Variants in CDK19 observed in about 807,000 individuals in gnomAD.
CDK19 encodes the protein cyclin-dependent kinase 19.
In CDK19, 20 loss-of-function variants were observed where a neutral mutation model predicts 68.3. The observed-to-expected ratio is 0.29, with a 90% CI of 0.21 to 0.43. CDK19 has a LOEUF of 0.43. Ranked by LOEUF, CDK19 falls within the 20% of genes least tolerant of loss-of-function variation. The pLI is 1.00. For missense variants in CDK19, 339 were observed against 623.5 expected, an observed-to-expected ratio of 0.54 and a Z score of 4.86; for synonymous variants, 221 against 222.8, an observed-to-expected ratio of 0.99 and a Z score of 0.07.
At position 110,627,328 on chromosome 6, in the gene CDK19, G is replaced by A. The variant is rs146714884; in HGVS notation, c.647-183C>T. 3.1e-4 allele frequency among the ~76,000 whole-genome samples: 47 copies of A among 151,768 alleles called. No homozygotes were observed. In the East Asian group the frequency reaches 7.8e-3, roughly 25 times the overall value. ...TGTGTGGGTATGTGTGTATATATAGGTATGTATATATATGTGTGTGTATGT... is the reference window on the plus strand; with the variant it reads ...TGTGTGGGTATGTGTGTATATATAGATATGTATATATATGTGTGTGTATGT... On this transcript the variant is annotated intron_variant, in intron 6 of 12. Transcript: ENST00000368911.
chr6:110,631,800 AGATACT>A (rs2114704824), intron 6 of CDK19, among the ~76,000 whole-genome samples: 1 of 152,374 alleles, frequency 6.6e-6, no homozygotes, highest in East Asian at 1.9e-4. Flanking sequence ...CAACAGGATC[AGATACT>A]GATACCTCTA....
Position 110,632,027 on chromosome 6 carries a change from T to C in CDK19, c.646+3A>G. The C allele has an allele frequency of 6.2e-7, 1 of 1,601,426 alleles. No homozygotes were observed. The highest frequency in any genetic ancestry group is 8.5e-7 in the Non-Finnish European group (1 of 1,172,248). On this transcript the variant is annotated splice_donor_region_variant and intron_variant, in intron 6 of 12. Coordinates refer to ENST00000368911, the MANE Select transcript of CDK19 (RefSeq NM_015076.5). ...GATAGTAAATCATTTTAGACCAACTTACCAATGGCCTTTGTATAATGCCTT... is the reference window on the plus strand; with the variant it reads ...GATAGTAAATCATTTTAGACCAACTCACCAATGGCCTTTGTATAATGCCTT...
intron 2 of CDK19, among the ~76,000 whole-genome samples, chr6:110,679,611 T>C (rs865939994): frequency 1.3e-5 from 2 of 152,164 alleles, no homozygotes; most frequent in Non-Finnish European, 2.9e-5. Context: ...AAACTGTCTC[T>C]AAAAACATAA....
chr6:110,693,923 G>A (rs1044131513), intron 2 of CDK19, among the ~76,000 whole-genome samples: 1 of 152,046 alleles, frequency 6.6e-6, no homozygotes, highest in Non-Finnish European at 1.5e-5. Flanking sequence ...TTTCAAACAA[G>A]CAATTGCTGA....
intron 1 of CDK19, among the ~76,000 whole-genome samples, chr6:110,782,900 T>C (rs1171968414): frequency 2.6e-5 from 4 of 152,176 alleles, no homozygotes; most frequent in Non-Finnish European, 5.9e-5. Context: ...TTTTATACAT[T>C]TTGCTTCCTC....
chr6:110,761,024 A>G (rs1453643591), intron 1 of CDK19, among the ~76,000 whole-genome samples: 2 of 152,182 alleles, frequency 1.3e-5, no homozygotes, highest in East Asian at 3.8e-4. Flanking sequence ...AAGTAGGGGA[A>G]AGCAAGTTAA....
Position 110,687,389 on chromosome 6 carries a change from G to A in CDK19, c.205-16848C>T, listed in dbSNP as rs555157742. On this transcript the variant is annotated intron_variant, in intron 2 of 12. Transcript: ENST00000368911. ...TTTAGATCACTATGCTTCTAGAGAA[G>A]ATAAACACAGTGAAGTCAAGGCTCA... 1.7e-3 allele frequency among the ~76,000 whole-genome samples: 261 copies of A among 152,208 alleles called. 2 individuals are homozygous for A. The highest frequency in any genetic ancestry group is 2.7e-3 in the Admixed American group (42 of 15,280).
chr6:110,700,178 C>T (rs1773873609), intron 2 of CDK19, among the ~76,000 whole-genome samples: 1 of 152,138 alleles, frequency 6.6e-6, no homozygotes, highest in South Asian at 2.1e-4. Flanking sequence ...CTCCCAGTAC[C>T]CCCAGATAGA....
intron 2 of CDK19, among the ~76,000 whole-genome samples, chr6:110,737,544 G>C (rs879869903): frequency 2.6e-5 from 4 of 152,140 alleles, no homozygotes; most frequent in Non-Finnish European, 5.9e-5. Flanking sequence ...GCAGACAACA[G>C]ACAGATACAC....
intron 2 of CDK19, among the ~76,000 whole-genome samples, chr6:110,742,882 G>A (rs747116370): frequency 3.3e-5 from 5 of 152,070 alleles, no homozygotes; most frequent in Admixed American, 6.6e-5. Context: ...CTTGCCTTGC[G>A]ATCTTTATTG....
At chr6:110,800,010 T>A (rs1562298304) in intron 1 of CDK19, among the ~76,000 whole-genome samples, 1 of 152,192 alleles carries the variant, frequency 6.6e-6, no homozygotes, top group Non-Finnish European at 1.5e-5. Context: ...AGTCTCAACA[T>A]ATTCATCTAC....
chr6:110,618,464 T>C (rs1778490354), intron 12 of CDK19, among the ~76,000 whole-genome samples: 3 of 152,204 alleles, frequency 2.0e-5, no homozygotes, highest in South Asian at 4.1e-4. Flanking sequence ...CACACTCCCC[T>C]TTCTTGAGTT....
chr6:110,744,011 G>GTTT (rs5879078), intron 2 of CDK19, among the ~76,000 whole-genome samples: 1,758 of 113,276 alleles, frequency 0.016, 150 homozygotes, highest in African/African-American at 0.047. Flanking sequence ...ACCTCCCCAC[G>GTTT]TTTTTTTTTT....
chr6:110,748,937 T>C (rs1778264500), intron 1 of CDK19, among the ~76,000 whole-genome samples: 1 of 148,576 alleles, frequency 6.7e-6, no homozygotes, highest in African/African-American at 2.6e-5. Context: ...TACACTGCTA[T>C]GATAATCCAG....
intron 1 of CDK19, among the ~76,000 whole-genome samples, chr6:110,803,982 G>A (rs1223620322): frequency 6.6e-6 from 1 of 151,960 alleles, no homozygotes; most frequent in African/African-American, 2.4e-5. Flanking sequence ...AGAAAGAGAA[G>A]AAAGAAAGAA....
At chr6:110,637,823 C>T (rs1489162995) in intron 5 of CDK19, among the ~76,000 whole-genome samples, 2 of 152,024 alleles carry the variant, frequency 1.3e-5, no homozygotes, top group East Asian at 3.9e-4. Context: ...CTACTAAATA[C>T]ACAAAAAAAT....
chr6:110,777,157 T>C (rs1018814480), intron 1 of CDK19, among the ~76,000 whole-genome samples: 2 of 152,240 alleles, frequency 1.3e-5, no homozygotes. Flanking sequence ...CCTCAGCATA[T>C]GCAACATTTT....
chr6:110,799,039 G>C (rs545749158), intron 1 of CDK19, among the ~76,000 whole-genome samples: 40 of 150,964 alleles, frequency 2.6e-4, no homozygotes, highest in Non-Finnish European at 5.5e-4. Context: ...AGCTACTCAG[G>C]AGGCTGAGGT....
intron 2 of CDK19, among the ~76,000 whole-genome samples, chr6:110,725,585 C>A (rs1776261191): frequency 6.6e-6 from 1 of 151,940 alleles, no homozygotes; most frequent in Non-Finnish European, 1.5e-5. Flanking sequence ...AGATCCTGAA[C>A]AAAATCCATC....
Sources: gnomAD v4.1 joint callset for allele counts (sites outside exome capture counted in the v4.1 genomes callset) on GRCh38, gnomAD v4.1.1 for gene constraint, MANE v1.5 for transcripts, NCBI Gene and HGNC (gene_info 2026-07-23, HGNC 2026-07-21) for gene names.